Variants in ROBO2 observed in about 807,000 individuals in gnomAD.
ROBO2 encodes the protein roundabout homolog 2.
In ROBO2, 53 loss-of-function variants were observed where a neutral mutation model predicts 160.8. That is an observed-to-expected ratio of 0.33 (90% CI 0.26 to 0.41). ROBO2 has a LOEUF of 0.41. Ranked by LOEUF, ROBO2 falls within the 10% of genes least tolerant of loss-of-function variation. The pLI, the probability that ROBO2 is intolerant of heterozygous loss-of-function variation, is 1.00. For synonymous variants in ROBO2, 664 were observed against 611.7 expected, an observed-to-expected ratio of 1.09 and a Z score of -1.26; for missense variants, 1,577 against 1,722.4, an observed-to-expected ratio of 0.92 and a Z score of 1.49.
At chr3:76,406,922 T>C (rs1407734067) in intron 2 of ROBO2, among the ~76,000 whole-genome samples, 1 of 151,738 alleles carries the variant, frequency 6.6e-6, no homozygotes, top group Non-Finnish European at 1.5e-5. Context: ...TGGATTTTCA[T>C]TACACTTATA....
intron 2 of ROBO2, among the ~76,000 whole-genome samples, chr3:76,609,742 C>T (rs2087939316): frequency 6.6e-6 from 1 of 152,148 alleles, no homozygotes; most frequent in African/African-American, 2.4e-5. Flanking sequence ...TTAGCTAGGA[C>T]TTCCAATACT....
chr3:76,117,097 C>G (rs552869859), intron 2 of ROBO2, among the ~76,000 whole-genome samples: 2 of 152,226 alleles, frequency 1.3e-5, no homozygotes, highest in African/African-American at 2.4e-5. Flanking sequence ...TTAAAACATT[C>G]TAATGTAGAG....
chr3:77,475,200 G>A (rs2083857886), intron 2 of ROBO2, among the ~76,000 whole-genome samples: 1 of 152,002 alleles, frequency 6.6e-6, no homozygotes, highest in South Asian at 2.1e-4. Context: ...GTTGAAGAGG[G>A]TACAGTATCA....
At chr3:75,914,183 C>T (rs1460024568) in intron 1 of ROBO2, among the ~76,000 whole-genome samples, 1 of 152,132 alleles carries the variant, frequency 6.6e-6, no homozygotes, top group African/African-American at 2.4e-5. Context: ...GGAGCATTGT[C>T]CTTCCTAAAA....
At chr3:77,055,292 A>G (rs2065628758) in intron 1 of ROBO2, among the ~76,000 whole-genome samples, 1 of 152,162 alleles carries the variant, frequency 6.6e-6, no homozygotes, top group South Asian at 2.1e-4. Context: ...AGGGGTGTCT[A>G]TATAAAATCC....
At chr3:76,884,046 A>C (rs916047093) in intron 2 of ROBO2, among the ~76,000 whole-genome samples, 1 of 152,316 alleles carries the variant, frequency 6.6e-6, no homozygotes, top group African/African-American at 2.4e-5. Context: ...AGGGGGTTTA[A>C]TCATCTCTTC....
At chr3:76,293,871 A>C (rs576765283) in intron 2 of ROBO2, among the ~76,000 whole-genome samples, 2 of 152,290 alleles carry the variant, frequency 1.3e-5, no homozygotes, top group South Asian at 4.1e-4. Flanking sequence ...TTCAACTCAG[A>C]CCATTTAGAA....
intron 1 of ROBO2, among the ~76,000 whole-genome samples, chr3:77,090,384 C>T (rs1246632920): frequency 9.8e-6 from 1 of 101,528 alleles, no homozygotes; most frequent in African/African-American, 3.6e-5. Context: ...GACGGAGTTT[C>T]GCTCTGTGGC....
At chr3:76,574,284 A>G (rs1014435640) in intron 2 of ROBO2, among the ~76,000 whole-genome samples, 4 of 152,136 alleles carry the variant, frequency 2.6e-5, no homozygotes, top group African/African-American at 4.8e-5. Context: ...ATAGAAAAGT[A>G]TAGAGGTGTT....
At chr3:76,516,497 G>C (rs1378402943) in intron 2 of ROBO2, among the ~76,000 whole-genome samples, 1 of 152,064 alleles carries the variant, frequency 6.6e-6, no homozygotes, top group Non-Finnish European at 1.5e-5. Flanking sequence ...TAGCAATAAA[G>C]AGACACAATG....
intron 2 of ROBO2, among the ~76,000 whole-genome samples, chr3:76,566,939 G>A (rs933597347): frequency 7.9e-5 from 12 of 152,096 alleles, no homozygotes; most frequent in African/African-American, 2.7e-4. Context: ...GAACTAAGTC[G>A]CAGAGGCAGT....
intron 2 of ROBO2, among the ~76,000 whole-genome samples, chr3:77,342,823 A>G (rs2067209073): frequency 1.3e-5 from 2 of 152,176 alleles, no homozygotes; most frequent in Admixed American, 6.5e-5. Context: ...AAAGCTTAGC[A>G]CTGTGTTCCT....
At chr3:76,799,698 A>C (rs1468332039) in intron 2 of ROBO2, among the ~76,000 whole-genome samples, 3 of 152,192 alleles carry the variant, frequency 2.0e-5, no homozygotes, top group Non-Finnish European at 4.4e-5. Flanking sequence ...AAAGTATAAA[A>C]TATTTAGGCA....
chr3:77,150,076 A>G (rs1159307632), intron 2 of ROBO2, among the ~76,000 whole-genome samples: 1 of 152,172 alleles, frequency 6.6e-6, no homozygotes, highest in Non-Finnish European at 1.5e-5. Context: ...TTTCAGTTAT[A>G]TGAAACAAAA....
intron 1 of ROBO2, among the ~76,000 whole-genome samples, chr3:77,064,266 T>C (rs2066612720): frequency 6.6e-6 from 1 of 152,050 alleles, no homozygotes; most frequent in Admixed American, 6.5e-5. Context: ...TAAGACAAAA[T>C]TCAAGCAAAG....
At chr3:76,220,825 A>G (rs1559655913) in intron 2 of ROBO2, among the ~76,000 whole-genome samples, 1 of 152,154 alleles carries the variant, frequency 6.6e-6, no homozygotes, top group Non-Finnish European at 1.5e-5. Context: ...TAGTTCTATA[A>G]CTAGTCACAT....
chr3:77,070,002 G>A (rs1243598828), intron 1 of ROBO2, among the ~76,000 whole-genome samples: 2 of 152,052 alleles, frequency 1.3e-5, no homozygotes, highest in Non-Finnish European at 2.9e-5. Context: ...ATTTCAATAC[G>A]ACTGGTGTCC....
chr3:76,212,370 T>C (rs1703198288), intron 2 of ROBO2, among the ~76,000 whole-genome samples: 1 of 151,952 alleles, frequency 6.6e-6, no homozygotes, highest in African/African-American at 2.4e-5. Flanking sequence ...TTCTATTTTG[T>C]TTATTAAAAG....
At chr3:77,321,342 C>T (rs1581041511) in intron 2 of ROBO2, among the ~76,000 whole-genome samples, 1 of 151,964 alleles carries the variant, frequency 6.6e-6, no homozygotes, top group Admixed American at 6.6e-5. Flanking sequence ...CACAGGGAGA[C>T]CCCATCTCCA....
Sources: allele counts gnomAD v4.1 joint callset (sites outside exome capture counted in the v4.1 genomes callset), GRCh38; gene constraint gnomAD v4.1.1; transcripts MANE v1.5; gene names NCBI Gene and HGNC (gene_info 2026-07-23, HGNC 2026-07-21).